OR51E2: variants seen among roughly 807,000 people sequenced by gnomAD.
OR51E2 encodes olfactory receptor 51E2.
In OR51E2, 14 loss-of-function variants were observed where a neutral mutation model predicts 13.7. The observed-to-expected ratio is 1.02, with a 90% CI of 0.68 to 1.60. The LOEUF is 1.60. OR51E2 is among the 40% of genes most tolerant of loss of function. The pLI is 0.00. For synonymous variants in OR51E2, 180 were observed against 157.6 expected (o/e 1.14, Z -1.07); for missense variants, 483 against 413.8 (o/e 1.17, Z -1.45).
intron 1 of OR51E2, among the ~76,000 whole-genome samples, chr11:4,687,076 C>A (rs1841173150): frequency 6.6e-6 from 1 of 151,938 alleles, no homozygotes; most frequent in African/African-American, 2.4e-5. Context: ...ATTTGCTATC[C>A]TTTGTAGTAG....
chr11:4,684,852 G>C (rs887429062), intron 1 of OR51E2, among the ~76,000 whole-genome samples: 1 of 152,076 alleles, frequency 6.6e-6, no homozygotes, highest in South Asian at 2.1e-4. Flanking sequence ...TTCTCTTTGG[G>C]TCCGAATGTG....
intron 1 of OR51E2, among the ~76,000 whole-genome samples, chr11:4,694,485 CGTGTATATATAT>C: frequency 6.9e-6 from 1 of 144,206 alleles, no homozygotes; most frequent in East Asian, 2.6e-4. Context: ...CATATATATA[CGTGTATATATAT>C]ATATACACAC....
chr11:4,689,643 A>C (rs1328341982), intron 1 of OR51E2, among the ~76,000 whole-genome samples: 1 of 152,218 alleles, frequency 6.6e-6, no homozygotes, highest in African/African-American at 2.4e-5. Flanking sequence ...GGAATGAATT[A>C]TCTTTCTGAA....
Position 4,682,514 on chromosome 11 carries a change from T to A in OR51E2, c.198A>T (p.Ala66=), listed in dbSNP as rs763923588. 6.2e-7 allele frequency: 1 copy of A among 1,614,164 alleles called. No individual in the cohort carries two copies. Among genetic ancestry groups the A allele is most frequent in the East Asian group, 2.2e-5 (1 of 44,882 alleles). The change falls in exon 2 of 2, where the codon GCA becomes GCT. Residue 66 remains alanine, a synonymous_variant. Coordinates refer to ENST00000396950, the MANE Select transcript of OR51E2 (RefSeq NM_030774.4). ...APMYLFLCML[A]AIDLALSTST... ...ATGTGGATAAGGCCAGGTCAATGGC[T>A]GCAAGCATGCAGAGAAAGAGGTACA...
At chr11:4,689,167 C>A (rs1847549249) in intron 1 of OR51E2, among the ~76,000 whole-genome samples, 1 of 152,148 alleles carries the variant, frequency 6.6e-6, no homozygotes, top group African/African-American at 2.4e-5. Flanking sequence ...GACATTGCAA[C>A]ATATAAAGAT....
At chr11:4,691,033 T>C (rs1240977893) in intron 1 of OR51E2, 4 of 456,492 alleles carry the variant, frequency 8.8e-6, no homozygotes, top group Non-Finnish European at 1.8e-5. Flanking sequence ...ACAGTCCTAA[T>C]GATCAAAACA....
At chr11:4,689,663 T>C (rs1359227285) in intron 1 of OR51E2, among the ~76,000 whole-genome samples, 1 of 152,174 alleles carries the variant, frequency 6.6e-6, no homozygotes, top group Non-Finnish European at 1.5e-5. Context: ...ATTGAGCCAT[T>C]ACATGACCAT....
intron 1 of OR51E2, chr11:4,685,742 A>T (rs1847507197): frequency 6.6e-6 from 1 of 152,202 alleles, no homozygotes. Context: ...TCAAAGGCTT[A>T]CAATGTTATA....
At position 4,681,551 on chromosome 11, in the gene OR51E2, G is replaced by C. The variant is rs1328812504; in HGVS notation, c.*198C>G. ...TATAAGCATGTTTGGTTTTATTGTA[G>C]TCTTTAAATCATGTAATACTTCATT... On this transcript the variant is annotated 3_prime_UTR_variant, in exon 2 of 2. Transcript: ENST00000396950. 1.4e-5 allele frequency: 8 copies of C among 592,040 alleles called. No homozygotes were observed. Among genetic ancestry groups the C allele is most frequent in the Middle Eastern group, 4.5e-4 (1 of 2,244 alleles). 36.7% of individuals were successfully genotyped at this position (592,040 alleles called of 1,614,324 possible). A position where few individuals can be genotyped will look rare whatever the true frequency, so the allele number is the denominator to read the frequency against.
intron 1 of OR51E2, among the ~76,000 whole-genome samples, chr11:4,686,977 A>G (rs1564886362): frequency 2.6e-5 from 4 of 152,268 alleles, no homozygotes; most frequent in Middle Eastern, 6.8e-3. Context: ...AAGTTCTGTG[A>G]ACATCTCAGT....
chr11:4,684,199 T>C, intron 1 of OR51E2, among the ~76,000 whole-genome samples: 1 of 152,248 alleles, frequency 6.6e-6, no homozygotes, highest in East Asian at 1.9e-4. Flanking sequence ...CTGTATTTTC[T>C]CTTCTCCACC....
intron 1 of OR51E2, among the ~76,000 whole-genome samples, chr11:4,696,324 G>A (rs529023781): frequency 3.2e-4 from 48 of 152,104 alleles, no homozygotes; most frequent in African/African-American, 1.2e-3. Flanking sequence ...TCGAACTCTA[G>A]TAAATCATTG....
chr11:4,682,424 A>G lies in OR51E2; in HGVS notation c.288T>C (p.Cys96=), dbSNP rs12575331. The change falls in exon 2 of 2, where the codon TGT becomes TGC. Residue 96 remains cysteine (C), a synonymous_variant. Transcript: ENST00000396950. ...FDSREISFEA[C]LTQMFFIHAL... is the part of the protein sequence containing the mutation. ...CATGAATAAAGAACATCTGGGTAAG[A>G]CAGGCCTCAAAGCTAATCTCTCGGG... 52,154 of 1,614,150 alleles carry G rather than the reference A, an allele frequency of 0.032. 2,036 individuals carry two copies. Among genetic ancestry groups the G allele is most frequent in the East Asian group, 0.16 (7,081 of 44,868 alleles).
chr11:4,684,316 T>C lies in OR51E2; in HGVS notation c.-50-1555A>G, dbSNP rs113210338. On this transcript the variant is annotated intron_variant, in intron 1 of 1. Coordinates refer to ENST00000396950, the MANE Select transcript of OR51E2 (RefSeq NM_030774.4). ...ATGAAAAGCCCTTTTCAGAAGCAGA[T>C]GATTGCATCCTTTAGTGAGATACAA... Among the ~76,000 whole-genome samples the C allele has an allele frequency of 6.8e-3, 1,029 of 152,338 alleles. 11 individuals carry two copies. The highest frequency in any genetic ancestry group is 0.024 in the African/African-American group (1,001 of 41,588).
chr11:4,684,964 C>G (rs1847498766), intron 1 of OR51E2: 1 of 152,194 alleles, frequency 6.6e-6, no homozygotes, highest in South Asian at 2.1e-4. Flanking sequence ...AAGGGCTTCT[C>G]CCTGCCCTGA....
At chr11:4,691,828 C>T (rs983374635) in intron 1 of OR51E2, 4 of 289,098 alleles carry the variant, frequency 1.4e-5, no homozygotes, top group African/African-American at 4.4e-5. Context: ...TAATATGAAA[C>T]TATGAATGGC....
chr11:4,685,789 T>A (rs1847507774), intron 1 of OR51E2: 1 of 152,184 alleles, frequency 6.6e-6, no homozygotes, highest in African/African-American at 2.4e-5. Context: ...CCAACTACCT[T>A]CTCCAGGATA....
At chr11:4,693,671 G>T (rs1036779264) in intron 1 of OR51E2, among the ~76,000 whole-genome samples, 2 of 152,116 alleles carry the variant, frequency 1.3e-5, no homozygotes, top group Non-Finnish European at 2.9e-5. Flanking sequence ...CAGGTGAACC[G>T]AGATGGCGCC....
At chr11:4,691,650 C>G in intron 1 of OR51E2, 1 of 416,946 alleles carries the variant, frequency 2.4e-6, no homozygotes, top group Non-Finnish European at 4.8e-6. Flanking sequence ...CCCAGGAACA[C>G]CAGTGAGCAG....
Sources: allele counts gnomAD v4.1 joint callset (sites outside exome capture counted in the v4.1 genomes callset), GRCh38; gene constraint gnomAD v4.1.1; transcripts MANE v1.5; gene names NCBI Gene and HGNC (gene_info 2026-07-23, HGNC 2026-07-21).